The following CYP46A1 variants were observed in gnomAD, a reference collection of about 807,000 sequenced individuals.
The protein encoded by CYP46A1 is cytochrome P450 family 46 subfamily A member 1.
A neutral mutation model predicts 63.3 loss-of-function variants in CYP46A1; 20 were observed. The observed-to-expected ratio is 0.32, with a 90% CI of 0.22 to 0.46. CYP46A1 has a LOEUF of 0.46. Ranked by LOEUF, CYP46A1 falls within the 20% of genes least tolerant of loss-of-function variation. The probability of loss-of-function intolerance (pLI) is 1.00; values close to 1 mark genes in which losing one functional copy is unlikely to be tolerated. For missense variants in CYP46A1, 445 were observed against 670.8 expected (o/e 0.66, Z 3.72); for synonymous variants, 268 against 273.6 (o/e 0.98, Z 0.20).
intron 9 of CYP46A1, 118 bp from the exon 10 acceptor site, chr14:99,717,936 G>A: frequency 1.3e-6 from 1 of 762,618 alleles, no homozygotes; most frequent in Non-Finnish European, 2.1e-6. Flanking sequence ...TTTAGAGCCA[G>A]ATGCCTGGGG....
chr14:99,692,703 G>A (rs1291152371), intron 3 of CYP46A1, among the ~76,000 whole-genome samples: 4 of 149,748 alleles, frequency 2.7e-5, no homozygotes, highest in East Asian at 2.0e-4. Flanking sequence ...GGTGGTGGGC[G>A]CCTGTAATCC....
intron 7 of CYP46A1, among the ~76,000 whole-genome samples, chr14:99,713,795 G>A (rs1373663843): frequency 6.8e-6 from 1 of 147,028 alleles, no homozygotes; most frequent in Non-Finnish European, 1.5e-5. Flanking sequence ...CTACTCAGGA[G>A]GCAGAGGTTG....
rs1046316549 is a variant in CYP46A1 at position 99,725,086 on chromosome 14, C to G, written c.1177-305C>G. On this transcript the variant is annotated intron_variant, in intron 12 of 14. Transcript: ENST00000261835. The surrounding 1 kb of genome is among the most constrained non-coding windows in gnomAD (Gnocchi z 4.2). The stretch of plus-strand genomic sequence containing the variant: ...TGACTTCAGGTGAGTCACTGAGCCT[C>G]TCTCTGGGTCTCAGTTTCCTCATCT... 3.3e-5 allele frequency among the ~76,000 whole-genome samples: 5 copies of G among 152,202 alleles called. No homozygotes were observed. The highest frequency in any genetic ancestry group is 1.2e-4 in the African/African-American group (5 of 41,452).
Position 99,722,763 on chromosome 14 carries a change from C to A in CYP46A1, c.1176+697C>A. On this transcript the variant is annotated intron_variant, in intron 12 of 14. Coordinates refer to ENST00000261835, the MANE Select transcript of CYP46A1 (RefSeq NM_006668.2). This position sits in a 1 kb window ranked among gnomAD's most constrained non-coding sequence, Gnocchi z 4.6. ...TTGGTAAGATTTGTGTAGGTTTCTC[C>A]ACAAGGCCGTAGGACAACCACCATC... 1 of 309,864 alleles carries A rather than the reference C, an allele frequency of 3.2e-6. No homozygotes were observed. Among genetic ancestry groups the A allele is most frequent in the Non-Finnish European group, 6.7e-6 (1 of 148,862 alleles). The allele number at this position is 309,864 out of a possible 1,614,324, so 19.2% of individuals were successfully genotyped here. A position where few individuals can be genotyped will look rare whatever the true frequency, so the allele number is the denominator to read the frequency against.
At chr14:99,689,252 T>C (rs1411743688) in intron 1 of CYP46A1, among the ~76,000 whole-genome samples, 1 of 151,586 alleles carries the variant, frequency 6.6e-6, no homozygotes, top group East Asian at 1.9e-4. Flanking sequence ...CTGAGATTGG[T>C]CCCCCCAAAG....
At chr14:99,713,437 CA>C (rs35267715) in intron 7 of CYP46A1, 43,875 of 144,478 alleles carry the variant, frequency 0.3, 7,095 homozygotes, top group South Asian at 0.41. Context: ...GACTACATCT[CA>C]AAAAAAAAAA....
At chr14:99,686,750 T>G (rs992541591) in intron 1 of CYP46A1, among the ~76,000 whole-genome samples, 1 of 152,158 alleles carries the variant, frequency 6.6e-6, no homozygotes, top group African/African-American at 2.4e-5. Context: ...CCTGAGTGTG[T>G]GGGGTGCGGA....
Position 99,726,801 on chromosome 14 carries a change from A to T in CYP46A1, c.*74A>T. The T allele has an allele frequency of 1.6e-6, 2 of 1,239,208 alleles. No homozygotes were observed. The highest frequency in any genetic ancestry group is 2.1e-6 in the Non-Finnish European group (2 of 936,324). The allele number at this position is 1,239,208 out of a possible 1,614,324, so 76.8% of individuals were successfully genotyped here. A position where few individuals can be genotyped will look rare whatever the true frequency, so the allele number is the denominator to read the frequency against. On this transcript the variant is annotated 3_prime_UTR_variant, in exon 15 of 15. Coordinates refer to ENST00000261835, the MANE Select transcript of CYP46A1 (RefSeq NM_006668.2). ...CCACCTCTGCTGCCCACGGCCACCC[A>T]CCCTTCTCCCCTGCCCCGTCCCCTG...
rs979760236 is a variant in CYP46A1, at chr14:99,725,780, T to C, written c.1265+301T>C. 1.3e-5 allele frequency among the ~76,000 whole-genome samples: 2 copies of C among 152,150 alleles called. No homozygotes were observed. The highest frequency in any genetic ancestry group is 2.4e-5 in the African/African-American group (1 of 41,444). On this transcript the variant is annotated intron_variant, in intron 13 of 14. Coordinates refer to ENST00000261835, the MANE Select transcript of CYP46A1 (RefSeq NM_006668.2). This position sits in a 1 kb window ranked among gnomAD's most constrained non-coding sequence, Gnocchi z 4.2. The stretch of plus-strand genomic sequence containing the variant: ...GGTTCCTGTCTGAGAAATGGGACCA[T>C]CCGTGGCTGCATCTGCAAGTTGCTG...
intron 6 of CYP46A1, 146 bp from the exon 7 acceptor site, chr14:99,707,422 A>T (rs1020818961): frequency 1.6e-6 from 1 of 622,794 alleles, no homozygotes; most frequent in Non-Finnish European, 2.9e-6. Flanking sequence ...TCAAATTATC[A>T]TGGGTCATTG....
At chr14:99,721,095 A>T in intron 10 of CYP46A1, 144 bp from the exon 11 acceptor site, 1 of 658,948 alleles carries the variant, frequency 1.5e-6, no homozygotes, top group East Asian at 2.7e-5. Context: ...GTCTCAAAAA[A>T]TAAAGCTACA....
At chr14:99,685,713 C>T (rs1022603685) in intron 1 of CYP46A1, among the ~76,000 whole-genome samples, 6 of 151,926 alleles carry the variant, frequency 3.9e-5, no homozygotes, top group African/African-American at 1.5e-4. Flanking sequence ...GATGTACTGG[C>T]GTTAGAAGCC....
rs2056885773 is a variant in CYP46A1, at chr14:99,725,320, G to A, written c.1177-71G>A. 1.7e-6 allele frequency: 2 copies of A among 1,208,380 alleles called. No homozygotes were observed. Among genetic ancestry groups the A allele is most frequent in the East Asian group, 2.3e-5 (1 of 43,022 alleles). 74.9% of individuals were successfully genotyped at this position (1,208,380 alleles called of 1,614,324 possible). On this transcript the variant is annotated intron_variant, in intron 12 of 14. Coordinates refer to ENST00000261835, the MANE Select transcript of CYP46A1 (RefSeq NM_006668.2). This position sits in a 1 kb window ranked among gnomAD's most constrained non-coding sequence, Gnocchi z 4.2. Reference sequence around the variant, plus strand: ...TCTGCTCTGAGTAGCCCTGTTGGGTGGCCTCAGTGGCTCAAGAGGTGCCAG... The same window carrying A: ...TCTGCTCTGAGTAGCCCTGTTGGGTAGCCTCAGTGGCTCAAGAGGTGCCAG...
intron 3 of CYP46A1, 24 bp downstream of exon 3, chr14:99,691,885 G>T: frequency 6.2e-7 from 1 of 1,611,958 alleles, no homozygotes. Flanking sequence ...TGGTTTCCAT[G>T]AGGGAGTTCC....
intron 5 of CYP46A1, 57 bp from the exon 6 acceptor site, chr14:99,706,590 G>C: frequency 6.2e-7 from 1 of 1,600,976 alleles, no homozygotes; most frequent in African/African-American, 1.3e-5. Flanking sequence ...GAGGGCACAT[G>C]GCAGTCCACC....
In CYP46A1 at chr14:99,691,988, G is replaced by C. The variant is rs905698656; in HGVS notation, c.282+127G>C. ...GGCGCATTTCGGCTGGTTTCCCAAA[G>C]ATCCAGAAAGGAATGGCATCTTTCC... is the stretch of plus-strand genomic sequence containing the variant. On this transcript the variant is annotated intron_variant, in intron 3 of 14. Transcript: ENST00000261835. 7 of 916,310 alleles carry C rather than the reference G, an allele frequency of 7.6e-6. No individual in the cohort carries two copies. In the Admixed American group the frequency reaches 1.5e-4, roughly 20 times the overall value. The allele number at this position is 916,310 out of a possible 1,614,324, so 56.8% of individuals were successfully genotyped here. A position where few individuals can be genotyped will look rare whatever the true frequency, so the allele number is the denominator to read the frequency against.
At chr14:99,702,218 A>G (rs1443348969) in intron 5 of CYP46A1, among the ~76,000 whole-genome samples, 1 of 151,978 alleles carries the variant, frequency 6.6e-6, no homozygotes, top group Non-Finnish European at 1.5e-5. Flanking sequence ...GTAGTCCTTT[A>G]TGCCTGGCTT....
rs1334529993 is a variant in CYP46A1, at chr14:99,707,579, G to A, written c.594G>A (p.Gly198=). ...AMDILAKAAF[G]METSMLLGAQ... is the part of the protein sequence containing the mutation. ...TCTCTCTCCCCCAGGCAGCTTTTGG[G>A]ATGGAGACCAGTATGCTGCTGGGTG... Residue 198 remains glycine, a synonymous_variant, in exon 7 of 15, where the codon GGG becomes GGA. Coordinates refer to ENST00000261835, the MANE Select transcript of CYP46A1 (RefSeq NM_006668.2). 9 of 1,614,054 alleles carry A rather than the reference G, an allele frequency of 5.6e-6. No individual in the cohort carries two copies. The highest frequency in any genetic ancestry group is 7.6e-6 in the Non-Finnish European group (9 of 1,179,958).
At chr14:99,710,289 AG>A (rs1334259220) in intron 7 of CYP46A1, 1 of 152,194 alleles carries the variant, frequency 6.6e-6, no homozygotes, top group African/African-American at 2.4e-5. Flanking sequence ...TCAAACAACC[AG>A]AAAACAATTA....
Sources: allele counts gnomAD v4.1 joint callset (sites outside exome capture counted in the v4.1 genomes callset), GRCh38; gene constraint gnomAD v4.1.1; non-coding constraint Gnocchi (gnomAD v3.1); transcripts MANE v1.5; gene names NCBI Gene and HGNC (gene_info 2026-07-23, HGNC 2026-07-21).